Variants in ANXA13 observed in about 807,000 individuals in gnomAD.
ANXA13 encodes annexin XIII.
In ANXA13, 36 loss-of-function variants were observed where a neutral mutation model predicts 46.6. The observed-to-expected ratio is 0.77, with a 90% CI of 0.59 to 1.02. The LOEUF (loss-of-function observed/expected upper bound fraction) is 1.02. Ranked by LOEUF, ANXA13 falls within the 50% of genes least tolerant of loss-of-function variation. ANXA13 has a pLI of 0.00. For missense variants in ANXA13, 417 were observed against 396.5 expected, an observed-to-expected ratio of 1.05 and a Z score of -0.44; for synonymous variants, 163 against 152.9, an observed-to-expected ratio of 1.07 and a Z score of -0.49.
At chr8:123,724,877 A>G (rs950415326) in intron 1 of ANXA13, among the ~76,000 whole-genome samples, 4 of 152,210 alleles carry the variant, frequency 2.6e-5, no homozygotes, top group African/African-American at 4.8e-5. Context: ...ATTGGAACAC[A>G]GCCAACCCAT....
intron 8 of ANXA13, among the ~76,000 whole-genome samples, chr8:123,691,195 G>A (rs1048139002): frequency 9.9e-5 from 15 of 152,128 alleles, no homozygotes; most frequent in African/African-American, 3.1e-4. Flanking sequence ...AAGCCAGGAC[G>A]ACTCATGCCA....
At chr8:123,732,220 C>T (rs1471369296) in intron 1 of ANXA13, among the ~76,000 whole-genome samples, 1 of 152,196 alleles carries the variant, frequency 6.6e-6, no homozygotes, top group Non-Finnish European at 1.5e-5. Flanking sequence ...CTTTGCCTTA[C>T]TTTCCCCATA....
intron 2 of ANXA13, among the ~76,000 whole-genome samples, chr8:123,706,466 G>T (rs1003271368): frequency 5.3e-5 from 8 of 152,146 alleles, no homozygotes; most frequent in African/African-American, 1.7e-4. Context: ...GGAAGCTGGG[G>T]CTCAGGCCTG....
chr8:123,703,049 G>C (rs1813474543), intron 2 of ANXA13, among the ~76,000 whole-genome samples: 2 of 152,142 alleles, frequency 1.3e-5, no homozygotes, highest in Non-Finnish European at 2.9e-5. Context: ...CCCAACAATT[G>C]CATGTGAATG....
intron 6 of ANXA13, among the ~76,000 whole-genome samples, chr8:123,694,742 C>T (rs910410558): frequency 6.6e-6 from 1 of 152,208 alleles, no homozygotes; most frequent in African/African-American, 2.4e-5. Context: ...CTCCAAGATA[C>T]TACTTGGACT....
intron 3 of ANXA13, among the ~76,000 whole-genome samples, chr8:123,702,228 A>G (rs1197211311): frequency 6.8e-6 from 1 of 147,262 alleles, no homozygotes; most frequent in Non-Finnish European, 1.5e-5. Flanking sequence ...AAAGAAAAAT[A>G]GGTGTTGATA....
At chr8:123,696,720 C>G (rs913585337) in intron 4 of ANXA13, among the ~76,000 whole-genome samples, 7 of 152,126 alleles carry the variant, frequency 4.6e-5, no homozygotes, top group African/African-American at 1.7e-4. Flanking sequence ...GTGCAGCTCC[C>G]TCCCTTTTCT....
intron 3 of ANXA13, among the ~76,000 whole-genome samples, chr8:123,700,095 C>T (rs954103389): frequency 1.3e-5 from 2 of 152,352 alleles, no homozygotes; most frequent in South Asian, 2.1e-4. Flanking sequence ...GCCCTGGGAT[C>T]TGCAGTCCTA....
intron 4 of ANXA13, among the ~76,000 whole-genome samples, chr8:123,696,108 T>G (rs1374226903): frequency 6.6e-6 from 1 of 152,140 alleles, no homozygotes; most frequent in Non-Finnish European, 1.5e-5. Flanking sequence ...TACACAGATT[T>G]TTTTTTTTGC....
intron 7 of ANXA13, 44 bp from the exon 8 acceptor site, chr8:123,693,342 A>C: frequency 6.4e-7 from 1 of 1,560,648 alleles, no homozygotes; most frequent in Admixed American, 1.7e-5. Flanking sequence ...CTTTTGTGAA[A>C]AGACTGATTA....
At chr8:123,704,017 C>T (rs766359492) in intron 2 of ANXA13, among the ~76,000 whole-genome samples, 3 of 152,150 alleles carry the variant, frequency 2.0e-5, no homozygotes, top group Non-Finnish European at 4.4e-5. Flanking sequence ...CTCAGTTTTC[C>T]CACCTCTAAG....
At chr8:123,708,402 TC>T (rs1308879890) in intron 2 of ANXA13, among the ~76,000 whole-genome samples, 13 of 152,294 alleles carry the variant, frequency 8.5e-5, no homozygotes, top group East Asian at 5.8e-4. Flanking sequence ...AGAACAGTGA[TC>T]GGGGCTGTGG....
At chr8:123,687,728 C>G (rs1191608218) in intron 9 of ANXA13, among the ~76,000 whole-genome samples, 1 of 151,524 alleles carries the variant, frequency 6.6e-6, no homozygotes, top group Non-Finnish European at 1.5e-5. Flanking sequence ...CTTCTGAGAA[C>G]AGGTCTCTCC....
chr8:123,712,810 T>G, intron 1 of ANXA13, 57 bp from the exon 2 acceptor site: 1 of 1,521,644 alleles, frequency 6.6e-7, no homozygotes, highest in Non-Finnish European at 9.1e-7. Context: ...AAATGATCTC[T>G]GGCTAAAATC....
At chr8:123,728,537 T>C (rs1460870863) in intron 1 of ANXA13, 1 of 152,192 alleles carries the variant, frequency 6.6e-6, no homozygotes, top group Non-Finnish European at 1.5e-5. Context: ...AGGTAGCAAG[T>C]GTACTCTGGA....
intron 3 of ANXA13, among the ~76,000 whole-genome samples, chr8:123,701,442 C>A (rs1480961010): frequency 6.6e-6 from 1 of 152,142 alleles, no homozygotes; most frequent in East Asian, 1.9e-4. Context: ...TACACTCCAG[C>A]CTGGGCAACA....
intron 1 of ANXA13, among the ~76,000 whole-genome samples, chr8:123,713,866 G>C (rs2129901730): frequency 6.6e-6 from 1 of 152,166 alleles, no homozygotes; most frequent in South Asian, 2.1e-4. Context: ...CTAATTTTTT[G>C]TATTTTTAGT....
chr8:123,734,661 T>C (rs766421318), intron 1 of ANXA13, among the ~76,000 whole-genome samples: 2 of 151,720 alleles, frequency 1.3e-5, no homozygotes, highest in Non-Finnish European at 2.9e-5. Flanking sequence ...TCTGCAATAA[T>C]AGTTGTCAAT....
rs762120273 is a variant in ANXA13 at position 123,735,851 on chromosome 8, G to A, written c.15+1469C>T. On this transcript the variant is annotated intron_variant, in intron 1 of 10. Coordinates refer to ENST00000419625, the MANE Select transcript of ANXA13 (RefSeq NM_004306.4). ...AGTCCCCTTTAGGCAACTGTTGACTGCCTTCTGAGAGGGTGTACGACTGGC... is the reference window on the plus strand; with the variant it reads ...AGTCCCCTTTAGGCAACTGTTGACTACCTTCTGAGAGGGTGTACGACTGGC... The A allele has an allele frequency of 1.9e-6, 3 of 1,611,122 alleles. No homozygotes were observed. The African/African-American group carries it at 4.0e-5, about 22-fold the overall frequency.
Sources: allele counts gnomAD v4.1 joint callset (sites outside exome capture counted in the v4.1 genomes callset), GRCh38; gene constraint gnomAD v4.1.1; transcripts MANE v1.5; gene names NCBI Gene and HGNC (gene_info 2026-07-23, HGNC 2026-07-21).